The following IMMT variants were observed in gnomAD, a reference collection of about 807,000 sequenced individuals.
IMMT encodes MICOS complex subunit MIC60.
IMMT carries 40 observed loss-of-function variants against 92.7 expected under a neutral mutation model. The observed-to-expected ratio is 0.43, with a 90% CI of 0.34 to 0.56. The LOEUF is 0.56. IMMT is among the 20% of genes least tolerant of loss of function. The probability of loss-of-function intolerance (pLI) is 0.03; values close to 1 mark genes in which losing one functional copy is unlikely to be tolerated. For missense variants in IMMT, 831 were observed against 912.1 expected (o/e 0.91, Z 1.14); for synonymous variants, 322 against 336.1 (o/e 0.96, Z 0.46).
chr2:86,183,409 T>C (rs908253411), intron 1 of IMMT, among the ~76,000 whole-genome samples: 1 of 152,136 alleles, frequency 6.6e-6, no homozygotes, highest in Admixed American at 6.6e-5. Flanking sequence ...TCCCAAAGTG[T>C]TGGAATTACA....
At position 86,186,249 on chromosome 2, in the gene IMMT, G is replaced by C. The variant is rs376568396; in HGVS notation, c.46-4877C>G. Among the ~76,000 whole-genome samples the C allele has an allele frequency of 3.9e-5, 6 of 152,316 alleles. No homozygotes were observed. In the South Asian group the frequency reaches 1.0e-3, roughly 26 times the overall value. On this transcript the variant is annotated intron_variant, in intron 1 of 14. Transcript: ENST00000410111. ...TGCTTTGATGGCATTAGACTCTGGA[G>C]AGTCTTGGAGAAGGTTGTGAGTGGG... is the stretch of plus-strand genomic sequence containing the variant.
intron 14 of IMMT, 85 bp downstream of exon 14, chr2:86,145,983 C>A: frequency 1.8e-6 from 2 of 1,111,912 alleles, no homozygotes; most frequent in Non-Finnish European, 2.4e-6. Context: ...GATGTCAGTA[C>A]ATGTACCCCA....
chr2:86,167,333 A>ATACCTG (rs1279162080), intron 6 of IMMT, among the ~76,000 whole-genome samples: 54 of 148,918 alleles, frequency 3.6e-4, no homozygotes, highest in Non-Finnish European at 5.1e-4. Flanking sequence ...CACCACGCCC[A>ATACCTG]GCTAATTTTT....
At chr2:86,182,859 C>T (rs1672523442) in intron 1 of IMMT, among the ~76,000 whole-genome samples, 1 of 151,242 alleles carries the variant, frequency 6.6e-6, no homozygotes, top group South Asian at 2.1e-4. Context: ...TCCTCCACTC[C>T]CCTTAAAAAA....
chr2:86,160,719 C>T (rs76752342), intron 8 of IMMT, among the ~76,000 whole-genome samples: 1 of 152,180 alleles, frequency 6.6e-6, no homozygotes, highest in Non-Finnish European at 1.5e-5. Context: ...CATGCTTGCT[C>T]AATCCTAGTT....
chr2:86,155,689 TCCCAGAACTTA>T (rs1675807432), intron 10 of IMMT, among the ~76,000 whole-genome samples: 2 of 152,106 alleles, frequency 1.3e-5, no homozygotes, highest in Non-Finnish European at 2.9e-5. Context: ...ATAAGAGCAA[TCCCAGAACTTA>T]AAGTATAATA....
intron 1 of IMMT, chr2:86,192,910 A>C (rs1235079338): frequency 6.5e-6 from 1 of 154,064 alleles, no homozygotes; most frequent in African/African-American, 2.4e-5. Flanking sequence ...AGAAAAATGA[A>C]ATATGAGAAG....
chr2:86,159,793 A>G (rs2104895423), intron 8 of IMMT, 122 bp from the exon 9 acceptor site: 1 of 780,070 alleles, frequency 1.3e-6, no homozygotes, highest in South Asian at 3.1e-5. Flanking sequence ...AGTGGCTGAT[A>G]CCTGTAATCC....
chr2:86,169,063 C>T (rs1676916425), intron 6 of IMMT, among the ~76,000 whole-genome samples: 1 of 152,158 alleles, frequency 6.6e-6, no homozygotes, highest in African/African-American at 2.4e-5. Flanking sequence ...CATGCAAATG[C>T]ATATGTGTAT....
At chr2:86,195,244 T>A in intron 1 of IMMT, 94 bp downstream of exon 1, 1 of 1,350,160 alleles carries the variant, frequency 7.4e-7, no homozygotes, top group Non-Finnish European at 9.9e-7. Flanking sequence ...CTCGCCTTTG[T>A]CCTGGAGGCT....
chr2:86,170,614 A>G lies in IMMT; in HGVS notation c.655+135T>C, dbSNP rs149615601. On this transcript the variant is annotated intron_variant, in intron 6 of 14. Transcript: ENST00000410111. ...TGAAATGAAGGTGATGAATAAAGCA[A>G]TGCCACTAAAAAACAACCGCAGCAA... 3.1e-4 allele frequency: 192 copies of G among 611,416 alleles called. 1 individual carries two copies. The East Asian group carries it at 4.9e-3, about 16-fold the overall frequency. The allele number at this position is 611,416 out of a possible 1,614,324, so 37.9% of individuals were successfully genotyped here.
intron 8 of IMMT, among the ~76,000 whole-genome samples, chr2:86,160,494 A>G (rs1254825962): frequency 2.0e-5 from 3 of 152,244 alleles, no homozygotes; most frequent in Non-Finnish European, 4.4e-5. Flanking sequence ...TCTACCCACC[A>G]TAAAACACAG....
intron 1 of IMMT, among the ~76,000 whole-genome samples, chr2:86,184,015 G>C (rs540031899): frequency 2.0e-5 from 3 of 152,042 alleles, no homozygotes; most frequent in Non-Finnish European, 4.4e-5. Flanking sequence ...AATTTGCCAC[G>C]TTGATTAATA....
Position 86,179,434 on chromosome 2 carries a change from G to C in IMMT, c.308C>G (p.Ser103Trp). The C allele has an allele frequency of 3.8e-6, 6 of 1,577,436 alleles. No individual in the cohort carries two copies. The highest frequency in any genetic ancestry group is 5.1e-6 in the Non-Finnish European group (6 of 1,166,510). Residue 103 changes from serine (S) to tryptophan (W), a missense_variant and splice_region_variant, in exon 3 of 15, where the codon TCG (serine) becomes TGG (tryptophan). Coordinates refer to ENST00000410111, the MANE Select transcript of IMMT (RefSeq NM_006839.3). ...TGAAATATTGTTTAAAACTCTTACC[G>C]ATTTCTTTGGCAATGGAACATTATA... ...AAYNVPLPKKSIQSGPLKISS... is the reference protein window; with the variant it reads ...AAYNVPLPKKWIQSGPLKISS...
rs1331658513 is a variant in IMMT at position 86,144,175 on chromosome 2, A to G, written c.*93T>C. 7.2e-7 allele frequency: 1 copy of G among 1,382,650 alleles called. No homozygotes were observed. Among genetic ancestry groups the G allele is most frequent in the African/African-American group, 1.4e-5 (1 of 69,962 alleles). 85.6% of individuals were successfully genotyped at this position (1,382,650 alleles called of 1,614,324 possible). ...AGTACTTGTAAACCTGCTCATTTCT[A>G]GACAAGTCCGGGACTCTCGCTGCGA... On this transcript the variant is annotated 3_prime_UTR_variant, in exon 15 of 15. Coordinates refer to ENST00000410111, the MANE Select transcript of IMMT (RefSeq NM_006839.3).
chr2:86,188,413 G>A (rs1349222418), intron 1 of IMMT, among the ~76,000 whole-genome samples: 2 of 151,448 alleles, frequency 1.3e-5, no homozygotes, highest in African/African-American at 2.4e-5. Flanking sequence ...ACACACACAC[G>A]CACACAAATA....
intron 1 of IMMT, among the ~76,000 whole-genome samples, chr2:86,193,408 A>AAAAG (rs1003167432): frequency 2.2e-4 from 3 of 13,372 alleles, no homozygotes; most frequent in African/African-American, 3.0e-4. Context: ...CTCCGTATCC[A>AAAAG]AAAAAAAAAA....
rs1020288209 is a variant in IMMT at position 86,160,893 on chromosome 2, A to G, written c.896+1083T>C. ...CAGCAGAATCTCAGTACATCTGTAG[A>G]GATACATCATCTAAGCAATAATCCA... is the stretch of plus-strand genomic sequence containing the variant. On this transcript the variant is annotated intron_variant, in intron 8 of 14. Transcript: ENST00000410111. Among the ~76,000 whole-genome samples, 4 of 152,224 alleles carry G rather than the reference A, an allele frequency of 2.6e-5. No homozygotes were observed. In the East Asian group the frequency reaches 7.7e-4, roughly 29 times the overall value.
chr2:86,154,741 A>C (rs1675728475), intron 10 of IMMT, among the ~76,000 whole-genome samples: 1 of 152,232 alleles, frequency 6.6e-6, no homozygotes, highest in Non-Finnish European at 1.5e-5. Context: ...GTATAGTTTG[A>C]ATGATGTCCC....
Sources: gnomAD v4.1 joint callset for allele counts (sites outside exome capture counted in the v4.1 genomes callset) on GRCh38, gnomAD v4.1.1 for gene constraint, MANE v1.5 for transcripts, NCBI Gene and HGNC (gene_info 2026-07-23, HGNC 2026-07-21) for gene names.